Variants in CSMD3 observed in about 807,000 individuals in gnomAD.
CSMD3 encodes CUB and Sushi multiple domains 3.
In CSMD3, 177 loss-of-function variants were observed where a neutral mutation model predicts 435.2. The ratio of observed to expected loss-of-function variants is 0.41; its 90% CI spans 0.36 to 0.46. CSMD3 has a LOEUF of 0.46. Among genes scored for constraint, CSMD3 ranks in the 20% least tolerant of loss-of-function variants. CSMD3 has a pLI of 0.34. For synonymous variants in CSMD3, 1,656 were observed against 1,520.5 expected (o/e 1.09, Z -2.07); for missense variants, 4,265 against 4,504.6 (o/e 0.95, Z 1.52).
At chr8:113,133,186 G>A (rs2091328181) in intron 4 of CSMD3, among the ~76,000 whole-genome samples, 1 of 151,966 alleles carries the variant, frequency 6.6e-6, no homozygotes, top group Non-Finnish European at 1.5e-5. Context: ...TTGATAACAA[G>A]AGTTTTTAAA....
At chr8:112,443,540 T>C (rs757287651) in intron 32 of CSMD3, among the ~76,000 whole-genome samples, 4 of 152,206 alleles carry the variant, frequency 2.6e-5, no homozygotes, top group African/African-American at 4.8e-5. Flanking sequence ...GTGCAGCCTA[T>C]ACAATTTCTT....
intron 27 of CSMD3, among the ~76,000 whole-genome samples, chr8:112,539,600 A>G (rs894846019): frequency 6.6e-6 from 1 of 152,132 alleles, no homozygotes; most frequent in Non-Finnish European, 1.5e-5. Context: ...GAGGAAAAAT[A>G]ACTCAGAAAT....
chr8:112,421,928 TA>T (rs1812558661), intron 32 of CSMD3, among the ~76,000 whole-genome samples: 1 of 152,024 alleles, frequency 6.6e-6, no homozygotes, highest in South Asian at 2.1e-4. Context: ...ACCTTTGAGG[TA>T]GGCACTATCA....
At chr8:112,977,127 A>G (rs1291390813) in intron 6 of CSMD3, among the ~76,000 whole-genome samples, 1 of 152,016 alleles carries the variant, frequency 6.6e-6, no homozygotes, top group African/African-American at 2.4e-5. Context: ...TACTTATATA[A>G]TGAAAAAAGT....
intron 10 of CSMD3, among the ~76,000 whole-genome samples, chr8:112,895,305 G>A (rs1448243018): frequency 2.0e-5 from 3 of 151,334 alleles, no homozygotes; most frequent in African/African-American, 4.8e-5. Context: ...AATTAGAATA[G>A]GTAGATATTT....
intron 30 of CSMD3, among the ~76,000 whole-genome samples, 181 bp downstream of exon 30, chr8:112,503,609 T>A (rs1266743331): frequency 2.0e-5 from 3 of 152,214 alleles, no homozygotes; most frequent in African/African-American, 7.2e-5. Context: ...AAATGCTAAT[T>A]TCCTTCCCAC....
At chr8:112,792,647 T>C (rs774456842) in intron 13 of CSMD3, among the ~76,000 whole-genome samples, 1 of 152,184 alleles carries the variant, frequency 6.6e-6, no homozygotes, top group Non-Finnish European at 1.5e-5. Flanking sequence ...TTTTCTTCTA[T>C]GTTTTATTCC....
intron 58 of CSMD3, among the ~76,000 whole-genome samples, chr8:112,283,393 C>T (rs544489756): frequency 1.3e-5 from 2 of 151,284 alleles, no homozygotes; most frequent in East Asian, 3.9e-4. Context: ...GTAGTCATTT[C>T]TAAAATGACA....
chr8:112,237,491 T>C (rs1813696721), intron 66 of CSMD3, 143 bp from the exon 67 acceptor site: 3 of 682,450 alleles, frequency 4.4e-6, no homozygotes, highest in South Asian at 1.7e-5. Flanking sequence ...TAATTCTTCA[T>C]ATAAAAATGT....
At chr8:112,895,608 T>C (rs1005167771) in intron 10 of CSMD3, among the ~76,000 whole-genome samples, 1 of 151,352 alleles carries the variant, frequency 6.6e-6, no homozygotes, top group African/African-American at 2.4e-5. Context: ...TTGAATGGGA[T>C]TGGTGCTGAG....
rs766602059 is a variant in CSMD3, at chr8:113,098,833, T to G, written c.840A>C (p.Ser280=). 3 of 1,612,716 alleles carry G rather than the reference T, an allele frequency of 1.9e-6. No individual in the cohort carries two copies. The highest frequency in any genetic ancestry group is 2.2e-5 in the South Asian group (2 of 91,062). Residue 280 remains serine, a synonymous_variant, in exon 5 of 71, where the codon TCA becomes TCC. Coordinates refer to ENST00000297405, the MANE Select transcript of CSMD3 (RefSeq NM_198123.2). ...CCATTTGAAAATCAGTAAATATGAGTGAAATTGTGTCCCCAGGCTCTGCTA... is the reference window on the plus strand; with the variant it reads ...CCATTTGAAAATCAGTAAATATGAGGGAAATTGTGTCCCCAGGCTCTGCTA... The part of the protein sequence containing the change: ...TIVAEPGDTI[S]LIFTDFQMEE...
intron 6 of CSMD3, among the ~76,000 whole-genome samples, chr8:112,979,721 G>A (rs939216126): frequency 2.0e-5 from 3 of 151,088 alleles, no homozygotes; most frequent in Non-Finnish European, 3.0e-5. Flanking sequence ...AAAACTCAAA[G>A]GAAGAAAACG....
chr8:112,383,631 A>G lies in CSMD3; in HGVS notation c.5967T>C (p.Asn1989=), dbSNP rs1829676379. 1 of 1,609,270 alleles carries G rather than the reference A, an allele frequency of 6.2e-7. No individual in the cohort carries two copies. The highest frequency in any genetic ancestry group is 8.5e-7 in the Non-Finnish European group (1 of 1,175,726). Residue 1989 remains asparagine, a synonymous_variant, in exon 37 of 71, where the codon AAT becomes AAC. Coordinates refer to ENST00000297405, the MANE Select transcript of CSMD3 (RefSeq NM_198123.2). The part of the protein sequence containing the change: ...VQVVSFATEH[N]WDSLDFYDGG... ...CATCATAAAAGTCCAGAGAATCCCA[A>G]TTATGTTCTGTAGCAAAGCTAACAA...
At chr8:112,725,202 C>T (rs1023569781) in intron 13 of CSMD3, among the ~76,000 whole-genome samples, 1 of 151,788 alleles carries the variant, frequency 6.6e-6, no homozygotes, top group Non-Finnish European at 1.5e-5. Context: ...TAATCATAGT[C>T]CCGTAAAGAT....
At chr8:113,416,424 G>T (rs572488311) in intron 1 of CSMD3, among the ~76,000 whole-genome samples, 1 of 151,996 alleles carries the variant, frequency 6.6e-6, no homozygotes, top group African/African-American at 2.4e-5. Flanking sequence ...TTTTAAAGTC[G>T]AAAACTTGGC....
At chr8:112,652,336 T>C (rs1173086839) in intron 18 of CSMD3, among the ~76,000 whole-genome samples, 2 of 152,152 alleles carry the variant, frequency 1.3e-5, no homozygotes, top group Non-Finnish European at 2.9e-5. Flanking sequence ...CAGGTTTCAA[T>C]TTCCCCCAAT....
At chr8:113,395,736 T>C (rs2094480784) in intron 1 of CSMD3, among the ~76,000 whole-genome samples, 1 of 152,216 alleles carries the variant, frequency 6.6e-6, no homozygotes, top group African/African-American at 2.4e-5. Flanking sequence ...TCCTGGCATT[T>C]AACTTTCTCT....
At chr8:113,071,663 A>G (rs1353827617) in intron 5 of CSMD3, among the ~76,000 whole-genome samples, 3 of 151,558 alleles carry the variant, frequency 2.0e-5, no homozygotes, top group Non-Finnish European at 3.0e-5. Flanking sequence ...ATTCTGTTCC[A>G]TTGTCTGTTT....
At chr8:112,385,343 C>A (rs1044225520) in intron 36 of CSMD3, among the ~76,000 whole-genome samples, 1 of 152,058 alleles carries the variant, frequency 6.6e-6, no homozygotes, top group Non-Finnish European at 1.5e-5. Flanking sequence ...ATATAAGGCA[C>A]CCTGCATGTA....
Sources: gnomAD v4.1 joint callset for allele counts (sites outside exome capture counted in the v4.1 genomes callset) on GRCh38, gnomAD v4.1.1 for gene constraint, MANE v1.5 for transcripts, NCBI Gene and HGNC (gene_info 2026-07-23, HGNC 2026-07-21) for gene names.